The following OPHN1 variants were observed in gnomAD, a reference collection of about 807,000 sequenced individuals.
OPHN1 encodes the protein oligophrenin-1.
OPHN1 carries 11 observed loss-of-function variants against 60.7 expected under a neutral mutation model. The observed-to-expected ratio is 0.18, with a 90% CI of 0.11 to 0.30. The LOEUF (loss-of-function observed/expected upper bound fraction) is 0.30, where lower values mean the gene tolerates loss of function less well. OPHN1 is among the 10% of genes least tolerant of loss of function. OPHN1 has a pLI of 1.00. For synonymous variants in OPHN1, 226 were observed against 222.6 expected, an observed-to-expected ratio of 1.02 and a Z score of -0.14; for missense variants, 449 against 611.0, an observed-to-expected ratio of 0.73 and a Z score of 2.80.
rs561411662 is a variant in OPHN1 at position 68,124,456 on chromosome X, C to A, written c.1277-5124G>T. ...AGATTTCAATAGGATAATAGCTAAA[C>A]ACTTCAACACCCCTACTTTCAGCAT... On this transcript the variant is annotated intron_variant, in intron 15 of 24. Coordinates refer to ENST00000355520, the MANE Select transcript of OPHN1 (RefSeq NM_002547.3). Among the ~76,000 whole-genome samples the A allele has an allele frequency of 2.5e-4, 28 of 110,854 alleles. No homozygotes were observed. In the South Asian group the frequency reaches 0.011, roughly 43 times the overall value.
intron 15 of OPHN1, among the ~76,000 whole-genome samples, chrX:68,169,692 G>A (rs1312254365): frequency 6.4e-5 from 7 of 109,014 alleles, no homozygotes; most frequent in Non-Finnish European, 9.5e-5. Context: ...AGGATTCCCC[G>A]TTTAATAAAT....
At chrX:68,410,992 A>C (rs866650724) in intron 2 of OPHN1, among the ~76,000 whole-genome samples, 1 of 112,112 alleles carries the variant, frequency 8.9e-6, no homozygotes, top group African/African-American at 3.2e-5. Context: ...TATCAGGGCT[A>C]AGGGAAAACT....
chrX:68,210,035 G>C, intron 9 of OPHN1, 118 bp downstream of exon 9: 1 of 733,089 alleles, frequency 1.4e-6, no homozygotes, highest in Non-Finnish European at 2.1e-6. Flanking sequence ...TGCGTTCCAA[G>C]GGAATTTTAG....
chrX:68,094,397 C>G (rs960656466), intron 19 of OPHN1, among the ~76,000 whole-genome samples: 1 of 111,596 alleles, frequency 9.0e-6, no homozygotes, highest in African/African-American at 3.3e-5. Context: ...TGTATTAGCC[C>G]TTACAGTTCC....
chrX:68,360,181 T>C (rs997696261), intron 2 of OPHN1, among the ~76,000 whole-genome samples: 1 of 110,745 alleles, frequency 9.0e-6, no homozygotes, highest in Non-Finnish European at 1.9e-5. Flanking sequence ...TGCTTTGTTT[T>C]GTTTTGTCTT....
chrX:68,112,060 T>TTCACACACACAC, intron 17 of OPHN1, 101 bp from the exon 18 acceptor site: 1 of 367,883 alleles, frequency 2.7e-6, no homozygotes, highest in African/African-American at 6.5e-5. Flanking sequence ...CATGCACACA[T>TTCACACACACAC]GCACACACAC....
At chrX:68,374,005 G>T (rs927181294) in intron 2 of OPHN1, among the ~76,000 whole-genome samples, 9 of 111,517 alleles carry the variant, frequency 8.1e-5, no homozygotes, top group African/African-American at 9.8e-5. Flanking sequence ...AAAATGTCTA[G>T]AAGAAAACAT....
intron 6 of OPHN1, among the ~76,000 whole-genome samples, chrX:68,225,539 C>T (rs1424378604): frequency 2.7e-5 from 3 of 111,728 alleles, no homozygotes; most frequent in Admixed American, 1.9e-4. Context: ...GAGGACGGAT[C>T]GGGCAGCAAC....
intron 2 of OPHN1, among the ~76,000 whole-genome samples, chrX:68,349,606 C>T (rs762861113): frequency 9.0e-6 from 1 of 111,730 alleles, no homozygotes; most frequent in Non-Finnish European, 1.9e-5. Context: ...GACACATGCA[C>T]ACGTATGTTT....
intron 2 of OPHN1, among the ~76,000 whole-genome samples, chrX:68,336,243 G>A (rs776230224): frequency 1.4e-3 from 153 of 110,686 alleles, no homozygotes; most frequent in African/African-American, 5.0e-3. Context: ...GACAGTATAG[G>A]CCAGGAACAG....
intron 6 of OPHN1, among the ~76,000 whole-genome samples, chrX:68,230,562 C>T: frequency 1.8e-5 from 2 of 110,161 alleles, no homozygotes; most frequent in Non-Finnish European, 3.8e-5. Context: ...GGCATACATA[C>T]ACCATGGAAT....
At chrX:68,138,726 C>A (rs971193696) in intron 15 of OPHN1, among the ~76,000 whole-genome samples, 9 of 112,357 alleles carry the variant, frequency 8.0e-5, no homozygotes, top group East Asian at 2.8e-4. Flanking sequence ...TTCCTCACAA[C>A]AGTACTATGA....
intron 7 of OPHN1, among the ~76,000 whole-genome samples, chrX:68,212,908 G>A (rs955701225): frequency 5.3e-5 from 6 of 112,312 alleles, no homozygotes; most frequent in Admixed American, 4.7e-4. Context: ...ATAGATAAAT[G>A]AATAAAGCAA....
intron 2 of OPHN1, among the ~76,000 whole-genome samples, chrX:68,368,497 C>T (rs2078510725): frequency 9.0e-6 from 1 of 110,995 alleles, no homozygotes; most frequent in Admixed American, 9.7e-5. Flanking sequence ...ACCATAATCA[C>T]ACCACTGCAC....
intron 2 of OPHN1, among the ~76,000 whole-genome samples, chrX:68,377,539 T>C (rs2078566687): frequency 2.8e-5 from 3 of 108,326 alleles, no homozygotes; most frequent in Admixed American, 2.0e-4. Context: ...CATTAACTCA[T>C]CATTTAGCAT....
chrX:68,210,743 T>C (rs759898484), intron 8 of OPHN1, among the ~76,000 whole-genome samples: 4 of 112,001 alleles, frequency 3.6e-5, no homozygotes, highest in East Asian at 2.8e-4. Flanking sequence ...GGGTGCTCTC[T>C]TGGGAGAAGG....
intron 2 of OPHN1, among the ~76,000 whole-genome samples, chrX:68,323,308 C>A (rs1194619562): frequency 9.0e-6 from 1 of 111,554 alleles, no homozygotes; most frequent in Non-Finnish European, 1.9e-5. Flanking sequence ...CTTTCTCTTT[C>A]TTGAACCTAC....
intron 2 of OPHN1, among the ~76,000 whole-genome samples, chrX:68,407,814 TTC>T (rs1366572313): frequency 8.9e-6 from 1 of 112,663 alleles, no homozygotes; most frequent in Non-Finnish European, 1.9e-5. Context: ...TACAATAATG[TTC>T]TGTTTATTCA....
At chrX:68,343,668 C>G (rs1602341855) in intron 2 of OPHN1, among the ~76,000 whole-genome samples, 1 of 109,528 alleles carries the variant, frequency 9.1e-6, no homozygotes, top group Non-Finnish European at 1.9e-5. Context: ...CCTAAAAAGT[C>G]TCCTTAAGGG....
Sources: gnomAD v4.1 joint callset for allele counts (sites outside exome capture counted in the v4.1 genomes callset) on GRCh38, gnomAD v4.1.1 for gene constraint, MANE v1.5 for transcripts, NCBI Gene and HGNC (gene_info 2026-07-23, HGNC 2026-07-21) for gene names.